Variants in NPAS3 observed in about 807,000 individuals in gnomAD.
NPAS3 encodes the protein neuronal PAS domain-containing protein 3.
In NPAS3, 14 loss-of-function variants were observed where a neutral mutation model predicts 73.1. That is an observed-to-expected ratio of 0.19 (90% CI 0.13 to 0.30). The LOEUF (loss-of-function observed/expected upper bound fraction) is 0.30. Among genes scored for constraint, NPAS3 ranks in the 10% least tolerant of loss-of-function variants. NPAS3 has a pLI of 1.00. For missense variants in NPAS3, 1,096 were observed against 1,250.0 expected, an observed-to-expected ratio of 0.88 and a Z score of 1.86; for synonymous variants, 620 against 541.5, an observed-to-expected ratio of 1.14 and a Z score of -2.01.
chr14:33,628,478 G>A (rs746575262), intron 5 of NPAS3, among the ~76,000 whole-genome samples: 33 of 152,174 alleles, frequency 2.2e-4, no homozygotes, highest in Admixed American at 1.6e-3. Flanking sequence ...TAAGACTGCC[G>A]TCAGTACTTT....
intron 4 of NPAS3, among the ~76,000 whole-genome samples, chr14:33,423,964 T>G (rs962730709): frequency 2.0e-5 from 3 of 152,036 alleles, no homozygotes; most frequent in African/African-American, 4.8e-5. Flanking sequence ...ATTGAATATC[T>G]ATCATGTGTC....
At chr14:33,332,345 A>T (rs1278065860) in intron 3 of NPAS3, among the ~76,000 whole-genome samples, 1 of 152,180 alleles carries the variant, frequency 6.6e-6, no homozygotes, top group African/African-American at 2.4e-5. Context: ...CAGATTAAGG[A>T]TGTAGGCTAC....
intron 4 of NPAS3, among the ~76,000 whole-genome samples, chr14:33,524,384 A>C (rs941490981): frequency 2.0e-5 from 3 of 152,222 alleles, no homozygotes; most frequent in African/African-American, 7.2e-5. Flanking sequence ...TCTATAGCAG[A>C]CACTCAAAAA....
chr14:33,787,161 C>A (rs1390329304), intron 9 of NPAS3, among the ~76,000 whole-genome samples: 1 of 152,174 alleles, frequency 6.6e-6, no homozygotes, highest in Non-Finnish European at 1.5e-5. Context: ...CTGAAAACAG[C>A]TCGTAAAATA....
rs35933919 is a variant in NPAS3, at chr14:33,761,781, TTGAG to T, written c.853-12553_853-12550del. Among the ~76,000 whole-genome samples the T allele has an allele frequency of 7.2e-3, 1,095 of 152,288 alleles. 12 individuals carry two copies. Among genetic ancestry groups the T allele is most frequent in the African/African-American group, 0.025 (1,043 of 41,560 alleles). ...CTTACGTTCGAGGGAATAGGGAGAA[TTGAG>T]TGTCTTGCACAGTGCAAAAATTGAT... On this transcript the variant is annotated intron_variant, in intron 7 of 11. Coordinates refer to ENST00000356141, the Ensembl canonical transcript of NPAS3.
chr14:33,560,263 C>A, intron 5 of NPAS3, 53 bp downstream of exon 5: 1 of 791,652 alleles, frequency 1.3e-6, no homozygotes, highest in Non-Finnish European at 2.3e-6. Context: ...CTTCTTCAGC[C>A]TCATGTTTTT....
intron 2 of NPAS3, among the ~76,000 whole-genome samples, chr14:33,141,206 G>C (rs1310207645): frequency 6.6e-6 from 1 of 152,178 alleles, no homozygotes; most frequent in Non-Finnish European, 1.5e-5. Flanking sequence ...TGATCATGAA[G>C]CACCTCATGT....
intron 6 of NPAS3, among the ~76,000 whole-genome samples, chr14:33,694,052 TATTA>T (rs1566433898): frequency 1.3e-5 from 2 of 152,164 alleles, no homozygotes; most frequent in African/African-American, 4.8e-5. Context: ...GAAATTTGCA[TATTA>T]ATTCATTTCT....
chr14:33,746,051 T>C (rs1323257454), intron 7 of NPAS3, among the ~76,000 whole-genome samples: 1 of 152,166 alleles, frequency 6.6e-6, no homozygotes, highest in Admixed American at 6.5e-5. Context: ...AGCATCTATA[T>C]CCCAGAAACT....
chr14:33,794,592 G>A (rs1329791266), intron 10 of NPAS3, among the ~76,000 whole-genome samples: 3 of 105,572 alleles, frequency 2.8e-5, no homozygotes, highest in Non-Finnish European at 6.2e-5. Flanking sequence ...AACAATAGCG[G>A]TGTAAAAAAT....
At chr14:33,393,493 A>G (rs1365643170) in intron 4 of NPAS3, among the ~76,000 whole-genome samples, 1 of 152,044 alleles carries the variant, frequency 6.6e-6, no homozygotes, top group East Asian at 1.9e-4. Flanking sequence ...AGGTTTTTCC[A>G]CTTCAGCTGG....
chr14:33,515,438 A>T (rs2053251884), intron 4 of NPAS3, among the ~76,000 whole-genome samples: 1 of 152,078 alleles, frequency 6.6e-6, no homozygotes, highest in Admixed American at 6.6e-5. Context: ...TCTTAGACCA[A>T]GGGTTTATGA....
chr14:33,530,909 G>C (rs1289318968), intron 4 of NPAS3, among the ~76,000 whole-genome samples: 2 of 152,204 alleles, frequency 1.3e-5, no homozygotes, highest in South Asian at 2.1e-4. Context: ...GTAGAGATCA[G>C]AGTGGGGTGA....
chr14:33,210,996 C>T (rs1181476786), intron 2 of NPAS3, among the ~76,000 whole-genome samples: 1 of 152,098 alleles, frequency 6.6e-6, no homozygotes, highest in Non-Finnish European at 1.5e-5. Flanking sequence ...ATGAGCATTG[C>T]AGGCATTAGA....
chr14:33,214,164 T>A (rs1490970462), intron 2 of NPAS3: 1 of 152,226 alleles, frequency 6.6e-6, no homozygotes, highest in Non-Finnish European at 1.5e-5. Context: ...GAAAATATTA[T>A]CTAGCTACTT....
intron 5 of NPAS3, among the ~76,000 whole-genome samples, chr14:33,635,182 G>T (rs1239607227): frequency 1.3e-5 from 2 of 152,200 alleles, no homozygotes; most frequent in African/African-American, 2.4e-5. Context: ...GAGAAGAAAA[G>T]AATGGTCAGT....
At chr14:33,060,873 A>T (rs2041072656) in intron 2 of NPAS3, among the ~76,000 whole-genome samples, 2 of 152,228 alleles carry the variant, frequency 1.3e-5, no homozygotes, top group South Asian at 4.1e-4. Context: ...GGATAAATTC[A>T]TATGGGGCTA....
At chr14:33,266,053 A>C (rs546580809) in intron 3 of NPAS3, among the ~76,000 whole-genome samples, 3 of 151,954 alleles carry the variant, frequency 2.0e-5, no homozygotes, top group Non-Finnish European at 4.4e-5. Context: ...ACTATACTCT[A>C]AGATAAATTT....
chr14:33,182,264 A>G (rs982028051), intron 2 of NPAS3, among the ~76,000 whole-genome samples: 1 of 152,182 alleles, frequency 6.6e-6, no homozygotes, highest in African/African-American at 2.4e-5. Flanking sequence ...AATGCATTTT[A>G]TATTTTTTTC....
Sources: gnomAD v4.1 joint callset for allele counts (sites outside exome capture counted in the v4.1 genomes callset) on GRCh38, gnomAD v4.1.1 for gene constraint, MANE v1.5 for transcripts, NCBI Gene and HGNC (gene_info 2026-07-23, HGNC 2026-07-21) for gene names.